HS2ST1: variants seen among roughly 807,000 people sequenced by gnomAD.
HS2ST1 encodes 2-O-sulfotransferase.
HS2ST1 carries 18 observed loss-of-function variants against 42.9 expected under a neutral mutation model. That is an observed-to-expected ratio of 0.42 (90% confidence interval 0.29 to 0.62). The LOEUF is 0.62. HS2ST1 is among the 20% of genes least tolerant of loss of function. HS2ST1 has a pLI of 0.21. For missense variants in HS2ST1, 334 were observed against 433.8 expected (o/e 0.77, Z 2.04); for synonymous variants, 146 against 152.9 (o/e 0.95, Z 0.33).
At chr1:86,985,403 T>C (rs1399567317) in intron 1 of HS2ST1, among the ~76,000 whole-genome samples, 324 of 30,874 alleles carry the variant, frequency 0.01, 33 homozygotes, top group East Asian at 0.017. Flanking sequence ...CACACACATA[T>C]ATATACACAT....
At chr1:87,072,500 T>G (rs1490522735) in intron 1 of HS2ST1, among the ~76,000 whole-genome samples, 1 of 18,534 alleles carries the variant, frequency 5.4e-5, no homozygotes, top group African/African-American at 7.3e-5. Flanking sequence ...ATGCAATCTT[T>G]GTGTGTTTGA....
intron 1 of HS2ST1, among the ~76,000 whole-genome samples, chr1:87,010,360 G>T (rs1284948711): frequency 6.6e-6 from 1 of 151,250 alleles, no homozygotes; most frequent in Admixed American, 6.6e-5. Flanking sequence ...ACATATTATA[G>T]AATGTAATTA....
At chr1:86,950,032 A>G (rs1292319754) in intron 1 of HS2ST1, among the ~76,000 whole-genome samples, 1 of 152,244 alleles carries the variant, frequency 6.6e-6, no homozygotes, top group African/African-American at 2.4e-5. Context: ...AAAAAGCACT[A>G]TAGAAACATT....
At chr1:87,090,076 T>C (rs1048362137) in intron 3 of HS2ST1, among the ~76,000 whole-genome samples, 1 of 151,990 alleles carries the variant, frequency 6.6e-6, no homozygotes. Flanking sequence ...TCCTTGTAGT[T>C]TCCTATTAAA....
At chr1:87,083,447 G>A (rs1009494862) in intron 2 of HS2ST1, among the ~76,000 whole-genome samples, 1 of 152,132 alleles carries the variant, frequency 6.6e-6, no homozygotes, top group African/African-American at 2.4e-5. Context: ...TATCAAAAAT[G>A]TATACCATTT....
rs1375639438 is a variant in HS2ST1, at chr1:86,956,740, GAA to G, written c.124+41585_124+41586del. On this transcript the variant is annotated intron_variant, in intron 1 of 6. Coordinates refer to ENST00000370550, the MANE Select transcript of HS2ST1 (RefSeq NM_012262.4). ...TTGCCACCAAGAATACTTTTCACCA[GAA>G]AAAATATATTACCCTATGGTGCTCG... 3.3e-5 allele frequency among the ~76,000 whole-genome samples: 5 copies of G among 152,046 alleles called. No individual in the cohort carries two copies. In the East Asian group the frequency reaches 9.7e-4, roughly 29 times the overall value.
intron 1 of HS2ST1, among the ~76,000 whole-genome samples, chr1:86,990,720 C>T (rs1411683586): frequency 6.9e-6 from 1 of 145,360 alleles, no homozygotes; most frequent in Non-Finnish European, 1.5e-5. Context: ...CTTGGTTCAT[C>T]GCAACCTCCA....
At chr1:86,975,818 A>G (rs1648383579) in intron 1 of HS2ST1, among the ~76,000 whole-genome samples, 1 of 152,224 alleles carries the variant, frequency 6.6e-6, no homozygotes, top group South Asian at 2.1e-4. Flanking sequence ...TTCTCTGGTT[A>G]TACAACTGTG....
intron 1 of HS2ST1, chr1:87,045,974 T>A (rs914909670): frequency 1.4e-6 from 1 of 719,326 alleles, no homozygotes; most frequent in Non-Finnish European, 2.5e-6. Flanking sequence ...AGTTTTTGTT[T>A]CAAAAGAAAC....
intron 1 of HS2ST1, among the ~76,000 whole-genome samples, chr1:87,022,338 T>C (rs1649973488): frequency 6.6e-6 from 1 of 152,000 alleles, no homozygotes; most frequent in South Asian, 2.1e-4. Flanking sequence ...ACTCATATAT[T>C]GTTATGAGCG....
intron 1 of HS2ST1, among the ~76,000 whole-genome samples, chr1:86,983,028 A>T (rs1034495647): frequency 6.6e-6 from 1 of 152,176 alleles, no homozygotes; most frequent in African/African-American, 2.4e-5. Context: ...CCCATTGTCC[A>T]TATCACAATC....
intron 1 of HS2ST1, among the ~76,000 whole-genome samples, chr1:87,018,539 ATCT>A (rs1262154147): frequency 6.6e-6 from 1 of 152,080 alleles, no homozygotes; most frequent in Non-Finnish European, 1.5e-5. Context: ...AGCAGCCAAC[ATCT>A]TCTGGGTGGT....
intron 1 of HS2ST1, among the ~76,000 whole-genome samples, chr1:87,044,451 A>G (rs533420391): frequency 6.6e-6 from 1 of 152,316 alleles, no homozygotes; most frequent in African/African-American, 2.4e-5. Flanking sequence ...ATTAATATAC[A>G]TAGTGCCATT....
At chr1:86,951,977 G>A (rs533920710) in intron 1 of HS2ST1, among the ~76,000 whole-genome samples, 3 of 152,236 alleles carry the variant, frequency 2.0e-5, no homozygotes, top group South Asian at 4.1e-4. Flanking sequence ...TTCAGTCCCC[G>A]CTTCTAACTC....
chr1:86,941,923 T>C (rs1311631069), intron 1 of HS2ST1, among the ~76,000 whole-genome samples: 1 of 152,178 alleles, frequency 6.6e-6, no homozygotes, highest in African/African-American at 2.4e-5. Context: ...ATCTTTTAAG[T>C]AATAAATCAA....
intron 1 of HS2ST1, among the ~76,000 whole-genome samples, chr1:87,056,016 T>G (rs1650959263): frequency 6.6e-6 from 1 of 152,158 alleles, no homozygotes; most frequent in Non-Finnish European, 1.5e-5. Flanking sequence ...GGTTTGAATA[T>G]GGTTTGTCTC....
chr1:86,933,642 A>AG (rs892968439), intron 1 of HS2ST1, among the ~76,000 whole-genome samples: 2 of 151,640 alleles, frequency 1.3e-5, no homozygotes, highest in African/African-American at 4.9e-5. Context: ...GCCATATATG[A>AG]GTCTGGTTTT....
chr1:87,040,862 C>G (rs80036484), intron 1 of HS2ST1, among the ~76,000 whole-genome samples: 3,651 of 152,082 alleles, frequency 0.024, 46 homozygotes, highest in South Asian at 0.054. Flanking sequence ...AGTACAATTT[C>G]CAAGAATTAG....
At chr1:87,029,269 C>A (rs981626175) in intron 1 of HS2ST1, among the ~76,000 whole-genome samples, 2 of 152,088 alleles carry the variant, frequency 1.3e-5, no homozygotes, top group African/African-American at 4.8e-5. Context: ...CAAAAATAAC[C>A]ACCTTCTTTT....
Sources: gnomAD v4.1 joint callset for allele counts (sites outside exome capture counted in the v4.1 genomes callset) on GRCh38, gnomAD v4.1.1 for gene constraint, MANE v1.5 for transcripts, NCBI Gene and HGNC (gene_info 2026-07-23, HGNC 2026-07-21) for gene names.